Variants in KATNA1 observed in about 807,000 individuals in gnomAD.
KATNA1 encodes the protein katanin p60 ATPase-containing subunit A1.
Under a neutral mutation model 62.6 loss-of-function variants are expected in KATNA1, and 42 were observed. The ratio of observed to expected loss-of-function variants is 0.67; its 90% CI spans 0.52 to 0.87. KATNA1 has a LOEUF of 0.87. Ranked by LOEUF, KATNA1 falls within the 40% of genes least tolerant of loss-of-function variation. KATNA1 has a pLI of 0.00. For synonymous variants in KATNA1, 186 were observed against 201.9 expected (o/e 0.92, Z 0.67); for missense variants, 498 against 612.5 (o/e 0.81, Z 1.97).
rs1198824418 is a variant in KATNA1, at chr6:149,623,140, C to T, written c.464G>A (p.Arg155His). The T allele has an allele frequency of 1.1e-5, 17 of 1,606,174 alleles. No individual in the cohort carries two copies. The Admixed American group carries it at 1.6e-4, about 15-fold the overall frequency. Residue 155 changes from arginine to histidine, a missense_variant, in exon 4 of 11, where the codon CGT becomes CAT. Around this residue, in one of 3 missense-constraint regions of KATNA1, gnomAD observed 203 missense variants for 198.4 expected, o/e 1.02. Coordinates refer to ENST00000367411, the MANE Select transcript of KATNA1 (RefSeq NM_007044.4). ...TCCTTTATTCTGTTCTTTCTTTTCA[C>T]GACAACGAACAGCTTTCCCTCTGTC... ...HNDRGKAVRC[R>H]EKKEQNKGRE...
intron 3 of KATNA1, chr6:149,631,652 A>AG (rs1779846125): frequency 6.6e-6 from 1 of 152,202 alleles, no homozygotes; most frequent in South Asian, 2.1e-4. Context: ...ATCTTAATGC[A>AG]AGGTTAACGG....
At chr6:149,643,287 G>A (rs1322259871) in intron 1 of KATNA1, among the ~76,000 whole-genome samples, 4 of 152,162 alleles carry the variant, frequency 2.6e-5, no homozygotes, top group Non-Finnish European at 5.9e-5. Context: ...GCCAATACCT[G>A]ATCACAGCTC....
chr6:149,633,199 C>T lies in KATNA1; in HGVS notation c.163-283G>A, dbSNP rs74620067. 3.6e-3 allele frequency among the ~76,000 whole-genome samples: 542 copies of T among 150,018 alleles called. 3 individuals carry two copies. Among genetic ancestry groups the T allele is most frequent in the African/African-American group, 0.013 (515 of 40,638 alleles). ...CTCGGCTCATTGCAAGCTCTGCTTCCTGGGTTCAGGCCATTCTCCTGCCTC... is the reference window on the plus strand; with the variant it reads ...CTCGGCTCATTGCAAGCTCTGCTTCTTGGGTTCAGGCCATTCTCCTGCCTC... On this transcript the variant is annotated intron_variant, in intron 2 of 10. Transcript: ENST00000367411.
chr6:149,630,412 T>C (rs189501737), intron 3 of KATNA1, among the ~76,000 whole-genome samples: 71 of 152,288 alleles, frequency 4.7e-4, no homozygotes, highest in African/African-American at 1.3e-3. Context: ...GTGGATCACC[T>C]GAGGTCAGGA....
chr6:149,605,532 C>G (rs188422759), intron 4 of KATNA1, among the ~76,000 whole-genome samples: 20 of 152,108 alleles, frequency 1.3e-4, no homozygotes, highest in Middle Eastern at 6.3e-3. Context: ...ACATCTCAGT[C>G]CTTACATGGG....
At chr6:149,618,156 A>G (rs1779252051) in intron 4 of KATNA1, among the ~76,000 whole-genome samples, 1 of 136,428 alleles carries the variant, frequency 7.3e-6, no homozygotes, top group African/African-American at 2.8e-5. Flanking sequence ...TCCATCTCAG[A>G]AAAAAAAAAA....
chr6:149,628,819 C>CAAAAAA (rs1285574683), intron 3 of KATNA1, among the ~76,000 whole-genome samples: 1 of 92,802 alleles, frequency 1.1e-5, no homozygotes, highest in Non-Finnish European at 2.2e-5. Flanking sequence ...GACTCCATCT[C>CAAAAAA]AAAAAAAAAA....
In KATNA1 at chr6:149,632,931, G is replaced by T. The variant is rs187221913; in HGVS notation, c.163-15C>A. 1.9e-4 allele frequency: 295 copies of T among 1,583,708 alleles called. 2 individuals carry two copies. The African/African-American group carries it at 3.7e-3, about 20-fold the overall frequency. ...TCCTGCCAAACCTGATTTCAAAGAA[G>T]AAGATGGATGTTTAAATTTCTATAA... On this transcript the variant is annotated splice_polypyrimidine_tract_variant and intron_variant, in intron 2 of 10. Transcript: ENST00000367411.
At chr6:149,604,417 G>A (rs917432407) in intron 5 of KATNA1, among the ~76,000 whole-genome samples, 13 of 152,192 alleles carry the variant, frequency 8.5e-5, no homozygotes, top group African/African-American at 3.1e-4. Context: ...AGTGAGCTAT[G>A]ATCGAGCCAC....
intron 3 of KATNA1, among the ~76,000 whole-genome samples, chr6:149,625,954 C>T (rs1160125868): frequency 6.6e-6 from 1 of 151,064 alleles, no homozygotes; most frequent in Non-Finnish European, 1.5e-5. Context: ...AAAAGACACT[C>T]CCAGATGTGG....
chr6:149,599,185 G>C (rs1433211489), intron 7 of KATNA1, among the ~76,000 whole-genome samples: 3 of 152,100 alleles, frequency 2.0e-5, no homozygotes, highest in African/African-American at 7.2e-5. Context: ...TTTAAAGAGA[G>C]TCAATACTTG....
chr6:149,644,371 A>G (rs1341234925), intron 1 of KATNA1, among the ~76,000 whole-genome samples: 1 of 152,042 alleles, frequency 6.6e-6, no homozygotes, highest in Non-Finnish European at 1.5e-5. Flanking sequence ...CTGTAATCCT[A>G]GTACTTTGGG....
At chr6:149,595,330 G>T (rs1778261028) in intron 10 of KATNA1, 96 bp from the exon 11 acceptor site, 1 of 819,700 alleles carries the variant, frequency 1.2e-6, no homozygotes, top group Non-Finnish European at 1.9e-6. Flanking sequence ...ATCTGTTGTA[G>T]CATTCTCTAA....
intron 1 of KATNA1, among the ~76,000 whole-genome samples, chr6:149,641,334 G>A (rs886621259): frequency 6.6e-6 from 1 of 151,570 alleles, no homozygotes; most frequent in South Asian, 2.1e-4. Context: ...CCACCACCAC[G>A]CTCGGCTAAT....
intron 1 of KATNA1, 26 bp downstream of exon 1, chr6:149,648,443 A>G (rs970189649): frequency 6.6e-6 from 1 of 152,344 alleles, no homozygotes; most frequent in Admixed American, 6.5e-5. Context: ...GGGGGTCCCC[A>G]GAGCACCGCC....
In KATNA1 at chr6:149,604,818, ATTTAT is replaced by A. The variant is rs1174147015; in HGVS notation, c.502-41_502-37del. On this transcript the variant is annotated intron_variant, in intron 4 of 10. Coordinates refer to ENST00000367411, the MANE Select transcript of KATNA1 (RefSeq NM_007044.4). ...AGAAAAAAACAAGCGCTTTTGATTC[ATTTAT>A]TTTGTTTCTGTGAGTCGGAAACACA... The A allele has an allele frequency of 7.5e-6, 12 of 1,596,656 alleles. No individual in the cohort carries two copies. The Middle Eastern group carries it at 1.2e-3, about 162-fold the overall frequency.
chr6:149,645,875 G>GT (rs893372156), intron 1 of KATNA1, among the ~76,000 whole-genome samples: 115 of 147,970 alleles, frequency 7.8e-4, no homozygotes, highest in Non-Finnish European at 9.9e-4. Context: ...CACAGAGAAA[G>GT]TTTTTTTTTT....
At chr6:149,601,417 CAA>C (rs1361938664) in intron 7 of KATNA1, among the ~76,000 whole-genome samples, 175 bp downstream of exon 7, 3 of 152,068 alleles carry the variant, frequency 2.0e-5, no homozygotes, top group Non-Finnish European at 4.4e-5. Context: ...GAAAAAGAGA[CAA>C]AGAGAAACTC....
At chr6:149,626,292 C>CT (rs544379629) in intron 3 of KATNA1, among the ~76,000 whole-genome samples, 7,500 of 88,614 alleles carry the variant, frequency 0.085, 1,552 homozygotes, top group African/African-American at 0.29. Context: ...ATAACATTTA[C>CT]TTTTTTTTTT....
Sources: allele counts gnomAD v4.1 joint callset (sites outside exome capture counted in the v4.1 genomes callset), GRCh38; gene constraint gnomAD v4.1.1; regional missense constraint gnomAD v4.1.1; transcripts MANE v1.5; gene names NCBI Gene and HGNC (gene_info 2026-07-23, HGNC 2026-07-21).